NCOR1: variants seen among roughly 807,000 people sequenced by gnomAD.
NCOR1 encodes the protein protein phosphatase 1, regulatory subunit 109.
In NCOR1, 63 loss-of-function variants were observed where a neutral mutation model predicts 288.1. That is an observed-to-expected ratio of 0.22 (90% CI 0.18 to 0.27). NCOR1 has a LOEUF of 0.27. NCOR1 is among the 10% of genes least tolerant of loss of function. NCOR1 has a pLI of 1.00. For missense variants in NCOR1, 2,397 were observed against 3,019.2 expected (o/e 0.79, Z 4.83); for synonymous variants, 1,007 against 1,065.9 (o/e 0.94, Z 1.08).
In NCOR1 at chr17:16,186,619, T is replaced by C. The variant is rs1229284218; in HGVS notation, c.177A>G (p.Gln59=). 4.3e-6 allele frequency: 7 copies of C among 1,614,096 alleles called. No homozygotes were observed. The highest frequency in any genetic ancestry group is 4.5e-5 in the East Asian group (2 of 44,880). Residue 59 remains glutamine, a synonymous_variant, in exon 3 of 46, where the codon CAA becomes CAG. Coordinates refer to ENST00000268712, the MANE Select transcript of NCOR1 (RefSeq NM_006311.4). The stretch of plus-strand genomic sequence containing the variant: ...GCCTTCGAAGCTGTTGCTGCTGCTG[T>C]TGCTGCAAAAGCTGTGATGCCTGAC... ...EVSQASQLLQ[Q]QQQQQLRRRP... is the part of the protein sequence containing the mutation.
intron 3 of NCOR1, among the ~76,000 whole-genome samples, chr17:16,178,693 T>C (rs989733070): frequency 1.4e-4 from 21 of 152,144 alleles, no homozygotes; most frequent in African/African-American, 5.1e-4. Context: ...TGTCTTTTCT[T>C]ATTTATAAAA....
chr17:16,137,796 T>A (rs900889732), intron 13 of NCOR1: 1 of 232,906 alleles, frequency 4.3e-6, no homozygotes, highest in Admixed American at 5.6e-5. Context: ...ACAAATTTGC[T>A]TGTCATCCTT....
At chr17:16,204,599 T>A (rs972671192) in intron 1 of NCOR1, among the ~76,000 whole-genome samples, 6 of 152,210 alleles carry the variant, frequency 3.9e-5, no homozygotes, top group African/African-American at 1.4e-4. Flanking sequence ...AGGCATATAA[T>A]GTTCCTCGCT....
chr17:16,122,059 T>C (rs2073124431), intron 15 of NCOR1, among the ~76,000 whole-genome samples: 1 of 152,174 alleles, frequency 6.6e-6, no homozygotes, highest in African/African-American at 2.4e-5. Flanking sequence ...CAAGTAACAG[T>C]TTGCTATTAT....
chr17:16,060,388 G>A (rs2060419015), intron 37 of NCOR1, among the ~76,000 whole-genome samples: 1 of 152,194 alleles, frequency 6.6e-6, no homozygotes, highest in African/African-American at 2.4e-5. Flanking sequence ...ATAAGCCCAG[G>A]TGGGATCTCC....
rs2153390029 is a variant in NCOR1, at chr17:16,153,333, A to C, written c.789+6T>G. 3.2e-6 allele frequency: 5 copies of C among 1,569,726 alleles called. No homozygotes were observed. The highest frequency in any genetic ancestry group is 4.3e-6 in the Non-Finnish European group (5 of 1,156,972). On this transcript the variant is annotated splice_donor_region_variant and intron_variant, in intron 7 of 45. Transcript: ENST00000268712. ...AAAATCACTGGAAATGAAAAAATTT[A>C]CTTACCAGTTCAACTTTTGGGCCAA...
chr17:16,067,739 G>A (rs566400409), intron 32 of NCOR1, among the ~76,000 whole-genome samples, 155 bp downstream of exon 32: 1 of 152,268 alleles, frequency 6.6e-6, no homozygotes, highest in South Asian at 2.1e-4. Context: ...TGATCTGGGT[G>A]CTGGTAACAT....
chr17:16,181,581 T>C (rs1225958904), intron 3 of NCOR1, among the ~76,000 whole-genome samples: 1 of 152,176 alleles, frequency 6.6e-6, no homozygotes, highest in Non-Finnish European at 1.5e-5. Flanking sequence ...TAGGGATTTT[T>C]GCTAAATGGG....
At chr17:16,092,528 A>G (rs1598448874) in intron 21 of NCOR1, among the ~76,000 whole-genome samples, 1 of 151,122 alleles carries the variant, frequency 6.6e-6, no homozygotes, top group East Asian at 2.0e-4. Flanking sequence ...AAGCTGTAAT[A>G]ACAGAAATCA....
intron 9 of NCOR1, among the ~76,000 whole-genome samples, chr17:16,146,990 C>T (rs1056449805): frequency 6.6e-5 from 10 of 152,174 alleles, no homozygotes; most frequent in African/African-American, 1.9e-4. Context: ...AAAACACACA[C>T]GCTTTAACCG....
chr17:16,170,107 C>CTGAGTGTGTG (rs2082841372), intron 4 of NCOR1, among the ~76,000 whole-genome samples: 1 of 147,580 alleles, frequency 6.8e-6, no homozygotes. Context: ...TATTTGCTTT[C>CTGAGTGTGTG]TGTGTGTGTG....
chr17:16,071,630 C>T lies in NCOR1; in HGVS notation c.3931G>A (p.Gly1311Ser). Residue 1311 changes from glycine to serine, a missense_variant, in exon 30 of 46, where the codon GGC becomes AGC. This residue lies in a region of NCOR1 where 1,872 missense variants were observed against 2,187.8 expected (regional missense o/e 0.86). Transcript: ENST00000268712. ...TTAATTTGTTTGGGATATTTAAGGC[C>T]ATCTTCAAAGCTTTCAGTTGTTGCT... ...PRATTESFEDGLKYPKQIKRE... is the reference protein window; with the variant it reads ...PRATTESFEDSLKYPKQIKRE... 1 of 1,613,844 alleles carries T rather than the reference C, an allele frequency of 6.2e-7. No individual in the cohort carries two copies. The highest frequency in any genetic ancestry group is 8.5e-7 in the Non-Finnish European group (1 of 1,179,904).
chr17:16,093,388 C>T (rs1432439100), intron 21 of NCOR1, among the ~76,000 whole-genome samples: 1 of 152,202 alleles, frequency 6.6e-6, no homozygotes, highest in East Asian at 1.9e-4. Context: ...GTGATACCCT[C>T]CCTGTTTTCC....
chr17:16,203,040 T>TACACACAC (rs57228948), intron 1 of NCOR1, among the ~76,000 whole-genome samples: 2,396 of 147,006 alleles, frequency 0.016, 72 homozygotes, highest in African/African-American at 0.055. Context: ...AGCTGTTCCT[T>TACACACAC]ACACACACAC....
At chr17:16,214,761 G>C (rs760279295) in intron 1 of NCOR1, among the ~76,000 whole-genome samples, 1 of 152,180 alleles carries the variant, frequency 6.6e-6, no homozygotes, top group African/African-American at 2.4e-5. Flanking sequence ...TCCCCAAAAA[G>C]GGGTGCACTT....
At chr17:16,154,287 T>C (rs2079352093) in intron 6 of NCOR1, among the ~76,000 whole-genome samples, 1 of 152,164 alleles carries the variant, frequency 6.6e-6, no homozygotes, top group Non-Finnish European at 1.5e-5. Context: ...GCAACAAAAA[T>C]TTTAACTTAA....
intron 2 of NCOR1, among the ~76,000 whole-genome samples, chr17:16,190,038 T>C (rs2087786441): frequency 6.6e-6 from 1 of 152,188 alleles, no homozygotes. Context: ...GATATCAGCC[T>C]GTGCAACACA....
At chr17:16,042,371 A>G (rs897620398) in intron 42 of NCOR1, among the ~76,000 whole-genome samples, 4 of 152,226 alleles carry the variant, frequency 2.6e-5, no homozygotes, top group African/African-American at 9.6e-5. Context: ...TTGATCAAAA[A>G]TGGTCAGATG....
At chr17:16,108,072 A>T (rs1408984211) in intron 19 of NCOR1, among the ~76,000 whole-genome samples, 1 of 151,996 alleles carries the variant, frequency 6.6e-6, no homozygotes, top group Non-Finnish European at 1.5e-5. Flanking sequence ...CAAAAAGAAA[A>T]TGATGGAAAA....
Sources: gnomAD v4.1 joint callset for allele counts (sites outside exome capture counted in the v4.1 genomes callset) on GRCh38, gnomAD v4.1.1 for gene constraint, gnomAD v4.1.1 regional missense constraint, MANE v1.5 for transcripts, NCBI Gene and HGNC (gene_info 2026-07-23, HGNC 2026-07-21) for gene names.